The following CDK12 variants were observed in gnomAD, a reference collection of about 807,000 sequenced individuals.
CDK12 encodes the protein cyclin-dependent kinase 12.
In CDK12, 17 loss-of-function variants were observed where a neutral mutation model predicts 133.8. The observed-to-expected ratio is 0.13, with a 90% CI of 0.09 to 0.19. CDK12 has a LOEUF of 0.19. CDK12 is among the 10% of genes least tolerant of loss of function. CDK12 has a pLI of 1.00. For missense variants in CDK12, 1,508 were observed against 1,818.7 expected (o/e 0.83, Z 3.11); for synonymous variants, 694 against 683.6 (o/e 1.02, Z -0.24).
chr17:39,564,521 C>G (rs1295049189), intron 3 of CDK12, among the ~76,000 whole-genome samples: 1 of 152,198 alleles, frequency 6.6e-6, no homozygotes, highest in Admixed American at 6.5e-5. Flanking sequence ...TATAGCTGGC[C>G]TGCTATTCAG....
Position 39,519,872 on chromosome 17 carries a change from G to T in CDK12, c.2964-84G>T, listed in dbSNP as rs1163669879. On this transcript the variant is annotated intron_variant, in intron 10 of 13. Coordinates refer to ENST00000447079, the MANE Select transcript of CDK12 (RefSeq NM_016507.4). ...GCCTCCCAAAGTGCTGGAATTACAG[G>T]TGTGAGACCCTTTGAAACAAAATTA... is the stretch of plus-strand genomic sequence containing the variant. 20 of 1,527,834 alleles carry T rather than the reference G, an allele frequency of 1.3e-5. No individual in the cohort carries two copies. In the South Asian group the frequency reaches 1.7e-4, roughly 13 times the overall value. 94.6% of individuals were successfully genotyped at this position (1,527,834 alleles called of 1,614,324 possible).
At chr17:39,513,246 C>G (rs2053600192) in intron 8 of CDK12, among the ~76,000 whole-genome samples, 1 of 152,178 alleles carries the variant, frequency 6.6e-6, no homozygotes, top group Non-Finnish European at 1.5e-5. Context: ...ACACACTGTC[C>G]TTGACCTTTA....
At chr17:39,497,730 A>C (rs2052238938) in intron 5 of CDK12, among the ~76,000 whole-genome samples, 1 of 151,886 alleles carries the variant, frequency 6.6e-6, no homozygotes, top group Non-Finnish European at 1.5e-5. Context: ...CATCCTCCTG[A>C]TTAGCTGGGG....
In CDK12 at chr17:39,501,447, A is replaced by G. The variant is rs2146146768; in HGVS notation, c.2609+8A>G. The stretch of plus-strand genomic sequence containing the variant: ...CATTTTGCTGAATAACAGGTAACAT[A>G]GTAACCAAATAAGATTAAGCACTTT... On this transcript the variant is annotated splice_region_variant and intron_variant, in intron 6 of 13. Transcript: ENST00000447079. 6.3e-7 allele frequency: 1 copy of G among 1,592,342 alleles called. No homozygotes were observed. The highest frequency in any genetic ancestry group is 8.6e-7 in the Non-Finnish European group (1 of 1,166,198).
rs779379656 is a variant in CDK12, at chr17:39,525,977, C to T, written c.3421C>T (p.His1141Tyr). Residue 1141 changes from histidine to tyrosine, a missense_variant, in exon 13 of 14, where the codon CAC becomes TAC. His to Tyr is a moderately conservative substitution (Grantham distance 83, BLOSUM62 2). Transcript: ENST00000447079. ...TCAAATGGCACAGCTGCTTAACATC[C>T]ACTCCAACCCAGAGATGCAGCAGCA... ...IPQMAQLLNIHSNPEMQQQLE... is the reference protein window; with the variant it reads ...IPQMAQLLNIYSNPEMQQQLE... The T allele has an allele frequency of 4.3e-6, 7 of 1,614,132 alleles. No homozygotes were observed. Among genetic ancestry groups the T allele is most frequent in the Non-Finnish European group, 5.9e-6 (7 of 1,180,024 alleles).
chr17:39,466,513 C>G (rs2049320369), intron 1 of CDK12, among the ~76,000 whole-genome samples: 2 of 146,466 alleles, frequency 1.4e-5, no homozygotes, highest in African/African-American at 5.0e-5. Flanking sequence ...ACTTGGGAGG[C>G]TGAGGCAGGA....
chr17:39,537,779 G>A (rs902334313), downstream of CDK12, among the ~76,000 whole-genome samples: 10 of 151,932 alleles, frequency 6.6e-5, no homozygotes, highest in African/African-American at 2.4e-4. Flanking sequence ...GGCCAGGCTG[G>A]TCTTGAACTC....
intron 2 of CDK12, among the ~76,000 whole-genome samples, chr17:39,554,028 G>A (rs1361961879): frequency 2.0e-5 from 3 of 152,206 alleles, no homozygotes; most frequent in Non-Finnish European, 4.4e-5. Flanking sequence ...GGATAGGAGA[G>A]GCCAGTTATT....
intron 6 of CDK12, 72 bp from the exon 7 acceptor site, chr17:39,509,633 C>T (rs780077070): frequency 4.2e-6 from 4 of 957,472 alleles, no homozygotes; most frequent in Admixed American, 1.8e-5. Flanking sequence ...CCTAACTTGG[C>T]GCATGACTTT....
At chr17:39,476,246 A>G (rs1021457305) in intron 2 of CDK12, among the ~76,000 whole-genome samples, 1 of 151,096 alleles carries the variant, frequency 6.6e-6, no homozygotes. Context: ...AGTAGTTGGG[A>G]CCACAGGCAC....
At chr17:39,528,010 G>T (rs757151950) in intron 13 of CDK12, among the ~76,000 whole-genome samples, 6 of 151,808 alleles carry the variant, frequency 4.0e-5, no homozygotes, top group African/African-American at 1.5e-4. Context: ...CTGCCTCCTG[G>T]GTTCAAGCAA....
At position 39,558,774 on chromosome 17, in the gene CDK12, G is replaced by T. The variant is rs377197862; in HGVS notation, n.484+2361G>T. Among the ~76,000 whole-genome samples the T allele has an allele frequency of 4.2e-4, 64 of 152,240 alleles. No homozygotes were observed. In the East Asian group the frequency reaches 7.3e-3, roughly 17 times the overall value. ...TTCTCCTGCCTCAGCCTCCCACGTA[G>T]CTGGGATTATAGGCGTGTGCCACCA... On this transcript the variant is annotated intron_variant and non_coding_transcript_variant, in intron 3 of 3. Transcript: ENST00000558240.
At chr17:39,463,138 T>C (rs748952375) in intron 1 of CDK12, 21 bp downstream of exon 1, 6 of 1,601,360 alleles carry the variant, frequency 3.7e-6, no homozygotes, top group Non-Finnish European at 5.1e-6. Flanking sequence ...TGTCTAACAG[T>C]CCTTCCTCAT....
At position 39,530,575 on chromosome 17, in the gene CDK12, G is replaced by A. The variant is rs753117148; in HGVS notation, c.3761-29G>A. The A allele has an allele frequency of 1.5e-5, 23 of 1,531,278 alleles. No individual in the cohort carries two copies. In the Middle Eastern group the frequency reaches 6.7e-4, roughly 45 times the overall value. 94.9% of individuals were successfully genotyped at this position (1,531,278 alleles called of 1,614,324 possible). ...TATAATCACATGTGCTTTTTAAGAT[G>A]GTGTTTAAAAGAAGTAACCCTTCCA... On this transcript the variant is annotated intron_variant, in intron 13 of 13. Transcript: ENST00000447079.
At chr17:39,537,909 A>G (rs2055216098), downstream of CDK12, among the ~76,000 whole-genome samples, 1 of 152,074 alleles carries the variant, frequency 6.6e-6, no homozygotes, top group Non-Finnish European at 1.5e-5. Context: ...ATGGAAGGAA[A>G]AATTATGGTT....
At chr17:39,515,400 A>G (rs2053739392) in intron 8 of CDK12, among the ~76,000 whole-genome samples, 1 of 152,148 alleles carries the variant, frequency 6.6e-6, no homozygotes. Flanking sequence ...TTTTGTTAGT[A>G]TTGTTCTTTA....
chr17:39,477,355 C>A (rs1260618000), intron 2 of CDK12, among the ~76,000 whole-genome samples: 3 of 151,770 alleles, frequency 2.0e-5, no homozygotes, highest in African/African-American at 7.3e-5. Context: ...CCTGCCTCAG[C>A]CTCCCAAGTA....
intron 2 of CDK12, among the ~76,000 whole-genome samples, chr17:39,481,082 C>T (rs940132137): frequency 3.3e-5 from 5 of 151,738 alleles, no homozygotes; most frequent in Admixed American, 3.3e-4. Context: ...GGAGAAACCC[C>T]GTCTCTACTA....
At chr17:39,550,139 A>G (rs1285005111), upstream of CDK12, 1 of 151,984 alleles carries the variant, frequency 6.6e-6, no homozygotes. Context: ...CTGCCATTTA[A>G]TTGGATGTAT....
Sources: allele counts gnomAD v4.1 joint callset (sites outside exome capture counted in the v4.1 genomes callset), GRCh38; gene constraint gnomAD v4.1.1; transcripts MANE v1.5; gene names NCBI Gene and HGNC (gene_info 2026-07-23, HGNC 2026-07-21).